The following NRG1 variants were observed in gnomAD, a reference collection of about 807,000 sequenced individuals.
The protein encoded by NRG1 is neuregulin 1, also known as pro-neuregulin-1, membrane-bound isoform.
NRG1 carries 18 observed loss-of-function variants against 63.8 expected under a neutral mutation model. That is an observed-to-expected ratio of 0.28 (90% CI 0.19 to 0.42). The LOEUF is 0.42. NRG1 is among the 10% of genes least tolerant of loss of function. The probability of loss-of-function intolerance (pLI) is 1.00; values close to 1 mark genes in which losing one functional copy is unlikely to be tolerated. For synonymous variants in NRG1, 302 were observed against 301.3 expected (o/e 1.00, Z -0.02); for missense variants, 762 against 814.7 (o/e 0.94, Z 0.79).
chr8:32,289,995 CT>C (rs1357149068), intron 1 of NRG1, among the ~76,000 whole-genome samples: 1 of 152,108 alleles, frequency 6.6e-6, no homozygotes, highest in Non-Finnish European at 1.5e-5. Context: ...AATCTCAGTG[CT>C]TTTGGAGGTG....
At chr8:32,463,657 C>A (rs1273848417) in intron 1 of NRG1, among the ~76,000 whole-genome samples, 1 of 151,814 alleles carries the variant, frequency 6.6e-6, no homozygotes, top group African/African-American at 2.4e-5. Flanking sequence ...GCCAGGGCAA[C>A]ATAGTGAGAC....
At chr8:32,564,345 G>A (rs969351162) in intron 1 of NRG1, among the ~76,000 whole-genome samples, 3 of 152,128 alleles carry the variant, frequency 2.0e-5, no homozygotes, top group Non-Finnish European at 2.9e-5. Context: ...TTATTGCCAG[G>A]AAAGAATCAA....
intron 1 of NRG1, among the ~76,000 whole-genome samples, chr8:32,407,365 A>C (rs1814228501): frequency 6.8e-6 from 1 of 146,112 alleles, no homozygotes; most frequent in Non-Finnish European, 1.5e-5. Flanking sequence ...AGCTCTCTCT[A>C]TATATGTTTT....
At chr8:32,459,190 C>G (rs953763502) in intron 1 of NRG1, among the ~76,000 whole-genome samples, 2 of 152,114 alleles carry the variant, frequency 1.3e-5, no homozygotes, top group African/African-American at 2.4e-5. Flanking sequence ...TCTGGTCTTG[C>G]CCATCTCAAT....
chr8:32,034,198 T>G (rs1381780669), intron 1 of NRG1, among the ~76,000 whole-genome samples: 3 of 152,242 alleles, frequency 2.0e-5, no homozygotes, highest in Non-Finnish European at 4.4e-5. Context: ...TCTGCTTCTA[T>G]TGAAATAATC....
chr8:32,201,704 G>A (rs1310067166), intron 1 of NRG1, among the ~76,000 whole-genome samples: 3 of 152,166 alleles, frequency 2.0e-5, no homozygotes, highest in Admixed American at 6.5e-5. Flanking sequence ...GTTGTAAAAA[G>A]TAAAGAGAAA....
At chr8:32,049,346 G>C (rs956724583) in intron 1 of NRG1, among the ~76,000 whole-genome samples, 5 of 152,154 alleles carry the variant, frequency 3.3e-5, no homozygotes, top group African/African-American at 1.2e-4. Context: ...TCAGAGTCCA[G>C]TCACCTGAGT....
At chr8:32,095,162 C>T (rs1439483055) in intron 1 of NRG1, among the ~76,000 whole-genome samples, 4 of 152,148 alleles carry the variant, frequency 2.6e-5, no homozygotes, top group East Asian at 3.9e-4. Context: ...CACCTGCCTC[C>T]GCCTCCCAAA....
At chr8:32,188,187 C>T (rs917698926) in intron 1 of NRG1, among the ~76,000 whole-genome samples, 1 of 152,128 alleles carries the variant, frequency 6.6e-6, no homozygotes, top group Admixed American at 6.5e-5. Flanking sequence ...CTGCCTCAGC[C>T]TCCTCAGCCG....
At chr8:32,667,946 C>T (rs1589094175) in intron 5 of NRG1, among the ~76,000 whole-genome samples, 1 of 152,228 alleles carries the variant, frequency 6.6e-6, no homozygotes, top group East Asian at 1.9e-4. Flanking sequence ...GGCACGGTGA[C>T]TCACACCTGT....
intron 6 of NRG1, 113 bp from the exon 7 acceptor site, chr8:32,741,895 T>C: frequency 2.7e-6 from 2 of 731,990 alleles, no homozygotes; most frequent in Non-Finnish European, 4.8e-6. Flanking sequence ...TTTATATTGC[T>C]TGGTACCAGA....
intron 1 of NRG1, among the ~76,000 whole-genome samples, chr8:32,510,970 T>G (rs1242588440): frequency 2.0e-5 from 3 of 147,664 alleles, no homozygotes; most frequent in Non-Finnish European, 4.6e-5. Flanking sequence ...TTTTTTTTTT[T>G]TCTGAAGCAG....
At chr8:32,487,396 G>A (rs1826038408) in intron 1 of NRG1, among the ~76,000 whole-genome samples, 1 of 151,828 alleles carries the variant, frequency 6.6e-6, no homozygotes, top group Non-Finnish European at 1.5e-5. Flanking sequence ...AAACTGATCA[G>A]AAAAGATACA....
chr8:32,644,156 T>C lies in NRG1; in HGVS notation c.502+27271T>C, dbSNP rs1314751792. 2.0e-5 allele frequency among the ~76,000 whole-genome samples: 3 copies of C among 152,072 alleles called. No individual in the cohort carries two copies. In the East Asian group the frequency reaches 5.8e-4, roughly 29 times the overall value. On this transcript the variant is annotated intron_variant, in intron 5 of 11. Transcript: ENST00000356819. ...AATGTATATTATGAACCTAGCAGAG[T>C]GCCTGTCACCTGGGTGGAACTCAAC...
chr8:32,733,380 A>T (rs1824232697), intron 6 of NRG1, among the ~76,000 whole-genome samples: 1 of 152,212 alleles, frequency 6.6e-6, no homozygotes, highest in Non-Finnish European at 1.5e-5. Flanking sequence ...GACAGGTATG[A>T]AAAACATAAC....
At chr8:32,435,741 G>T (rs113725964) in intron 1 of NRG1, among the ~76,000 whole-genome samples, 2,008 of 152,080 alleles carry the variant, frequency 0.013, 52 homozygotes, top group African/African-American at 0.045. Flanking sequence ...TTACTTCAAA[G>T]TTCTAAAGAA....
At chr8:31,746,115 A>T (rs1815831499) in intron 1 of NRG1, among the ~76,000 whole-genome samples, 1 of 151,882 alleles carries the variant, frequency 6.6e-6, no homozygotes, top group East Asian at 1.9e-4. Flanking sequence ...AGTTGGCACA[A>T]TAGTTAAATG....
chr8:32,701,686 A>G (rs984742461), intron 5 of NRG1, among the ~76,000 whole-genome samples: 2 of 152,250 alleles, frequency 1.3e-5, no homozygotes, highest in African/African-American at 4.8e-5. Context: ...AACTTGACAA[A>G]AATAAATGGA....
At chr8:31,950,722 T>C (rs452519) in intron 1 of NRG1, among the ~76,000 whole-genome samples, 7,564 of 152,258 alleles carry the variant, frequency 0.05, 608 homozygotes, top group African/African-American at 0.17. Context: ...AACCCTAAAT[T>C]ACATAATATG....
Sources: allele counts gnomAD v4.1 joint callset (sites outside exome capture counted in the v4.1 genomes callset), GRCh38; gene constraint gnomAD v4.1.1; transcripts MANE v1.5; gene names NCBI Gene and HGNC (gene_info 2026-07-23, HGNC 2026-07-21).